SLC22A24: variants seen among roughly 807,000 people sequenced by gnomAD.
SLC22A24 encodes the protein steroid transmembrane transporter SLC22A24.
SLC22A24 carries 53 observed loss-of-function variants against 49.8 expected under a neutral mutation model. The ratio of observed to expected loss-of-function variants is 1.06; its 90% confidence interval spans 0.85 to 1.34. SLC22A24 has a LOEUF of 1.34. Ranked by LOEUF, SLC22A24 falls within the 40% of genes most tolerant of loss-of-function variation. The probability of loss-of-function intolerance (pLI) is 0.00; values close to 1 mark genes in which losing one functional copy is unlikely to be tolerated. For synonymous variants in SLC22A24, 302 were observed against 256.4 expected (o/e 1.18, Z -1.70); for missense variants, 786 against 675.9 (o/e 1.16, Z -1.81).
intron 8 of SLC22A24, among the ~76,000 whole-genome samples, 164 bp from the exon 9 acceptor site, chr11:63,081,287 T>A (rs189447826): frequency 1.1e-3 from 160 of 152,360 alleles, no homozygotes; most frequent in Admixed American, 3.5e-3. Flanking sequence ...GGTTTCTACC[T>A]ATTTGATAGT....
chr11:63,081,624 C>T lies in SLC22A24; in HGVS notation c.1328G>A (p.Gly443Asp). 1.3e-6 allele frequency: 2 copies of T among 1,551,538 alleles called. No individual in the cohort carries two copies. The highest frequency in any genetic ancestry group is 1.7e-6 in the Non-Finnish European group (2 of 1,146,892). ...LRVVLATLGI[G>D]SVSAASNSAS... ...ACTGTTGCTAGCAGCAGAAACACTA[C>T]CAATTCCCAAAGTTGCTAAAACCAC... Residue 443 changes from glycine (G) to aspartate (D), a missense_variant, in exon 8 of 10, where the codon GGT (glycine) becomes GAT (aspartate). Transcript: ENST00000612278.
chr11:63,122,293 A>G (rs766891322), intron 2 of SLC22A24, among the ~76,000 whole-genome samples: 3 of 152,150 alleles, frequency 2.0e-5, no homozygotes, highest in African/African-American at 4.8e-5. Context: ...GAAATTAAAG[A>G]CCTGCAATAA....
chr11:63,129,020 G>T (rs2087314283), intron 2 of SLC22A24, among the ~76,000 whole-genome samples: 1 of 152,118 alleles, frequency 6.6e-6, no homozygotes, highest in South Asian at 2.1e-4. Context: ...TGTTGCCATT[G>T]TTTTGGTGTT....
chr11:63,140,534 C>G (rs1348945363), intron 1 of SLC22A24, among the ~76,000 whole-genome samples: 4 of 152,146 alleles, frequency 2.6e-5, no homozygotes, highest in African/African-American at 9.7e-5. Context: ...TACTTTGGAG[C>G]ATTAGATTAT....
chr11:63,119,401 C>A (rs1343843833), intron 2 of SLC22A24, 66 bp from the exon 3 acceptor site: 37 of 1,369,982 alleles, frequency 2.7e-5, no homozygotes, highest in Non-Finnish European at 3.1e-5. Flanking sequence ...ACTTGACAAA[C>A]AATGGCGCAT....
chr11:63,088,503 C>T (rs2087000619), intron 6 of SLC22A24, among the ~76,000 whole-genome samples: 1 of 151,732 alleles, frequency 6.6e-6, no homozygotes, highest in Non-Finnish European at 1.5e-5. Flanking sequence ...CTGAAAATTG[C>T]AAAAACCAGA....
At chr11:63,131,255 T>A (rs1335697735) in intron 2 of SLC22A24, among the ~76,000 whole-genome samples, 1 of 152,174 alleles carries the variant, frequency 6.6e-6, no homozygotes, top group Non-Finnish European at 1.5e-5. Context: ...TGTCTTTTGA[T>A]TGGGGCATTT....
chr11:63,101,830 G>T (rs1490485016), intron 5 of SLC22A24, among the ~76,000 whole-genome samples: 1 of 151,930 alleles, frequency 6.6e-6, no homozygotes, highest in Admixed American at 6.6e-5. Flanking sequence ...GAAATAAGCC[G>T]GACACAGAAA....
chr11:63,137,231 G>T (rs111846060), intron 1 of SLC22A24, among the ~76,000 whole-genome samples: 279 of 152,302 alleles, frequency 1.8e-3, no homozygotes, highest in Admixed American at 4.1e-3. Flanking sequence ...TTTCAAGGAG[G>T]TTTCTCAGAT....
At chr11:63,085,885 C>T (rs934511236) in intron 6 of SLC22A24, among the ~76,000 whole-genome samples, 1 of 152,188 alleles carries the variant, frequency 6.6e-6, no homozygotes, top group African/African-American at 2.4e-5. Flanking sequence ...CTTTTGCTGG[C>T]TATCATATTA....
intron 1 of SLC22A24, among the ~76,000 whole-genome samples, chr11:63,140,999 T>C (rs2087411873): frequency 1.3e-5 from 2 of 152,190 alleles, no homozygotes; most frequent in Admixed American, 6.5e-5. Context: ...TTATTTAGCT[T>C]TTTACAATAG....
chr11:63,126,498 G>A (rs4963369), intron 2 of SLC22A24, among the ~76,000 whole-genome samples: 120,914 of 152,048 alleles, frequency 0.8, 49,172 homozygotes, highest in East Asian at 0.9. Flanking sequence ...TGAGGCCCCT[G>A]TTCTGTTCCA....
intron 4 of SLC22A24, among the ~76,000 whole-genome samples, chr11:63,106,398 T>C (rs2087122019): frequency 6.6e-6 from 1 of 152,146 alleles, no homozygotes; most frequent in South Asian, 2.1e-4. Context: ...AACATATGTG[T>C]GCATGTGTCT....
intron 5 of SLC22A24, 140 bp downstream of exon 5, chr11:63,104,035 A>G: frequency 1.4e-6 from 1 of 729,028 alleles, no homozygotes; most frequent in East Asian, 2.9e-5. Context: ...AGGAGGAAAG[A>G]TATATATATT....
chr11:63,143,419 C>A lies in SLC22A24; in HGVS notation c.361G>T (p.Val121Leu), dbSNP rs116409312. 1.7e-3 allele frequency: 2,557 copies of A among 1,529,536 alleles called. 40 individuals carry two copies. The African/African-American group carries it at 0.023, about 14-fold the overall frequency. 94.7% of individuals were successfully genotyped at this position (1,529,536 alleles called of 1,614,324 possible). ...GAGAGGAAAGAGCTTCTGTCGTACA[C>A]CCAGCCATCCACACAGGGCTCCGTG... ...PDTEPCVDGW[V>L]YDRSSFLSTI... Residue 121 changes from valine (V) to leucine (L), a missense_variant, in exon 1 of 10, where the codon GTG (valine) becomes TTG (leucine). Val to Leu is a conservative substitution (Grantham distance 32). Coordinates refer to ENST00000612278, the MANE Select transcript of SLC22A24 (RefSeq NM_001136506.2).
Position 63,109,564 on chromosome 11 carries a change from T to A in SLC22A24, c.831-5266A>T, listed in dbSNP as rs958377551. ...CCAACTGGTGTGAGATGGTATCTCA[T>A]TGTGGTTTTGATTTGCATTTCTCTG... On this transcript the variant is annotated intron_variant, in intron 4 of 9. Coordinates refer to ENST00000612278, the MANE Select transcript of SLC22A24 (RefSeq NM_001136506.2). Among the ~76,000 whole-genome samples, 157 of 148,018 alleles carry A rather than the reference T, an allele frequency of 1.1e-3. 1 individual carries two copies. Among genetic ancestry groups the A allele is most frequent in the African/African-American group, 3.6e-3 (149 of 40,910 alleles).
intron 4 of SLC22A24, among the ~76,000 whole-genome samples, chr11:63,117,688 T>C (rs1028927922): frequency 1.3e-5 from 2 of 152,216 alleles, no homozygotes; most frequent in African/African-American, 2.4e-5. Flanking sequence ...TCCTTACGCT[T>C]TTCTTAATAA....
At chr11:63,081,811 T>C (rs2086961908) in intron 7 of SLC22A24, 145 bp from the exon 8 acceptor site, 2 of 649,234 alleles carry the variant, frequency 3.1e-6, no homozygotes, top group Non-Finnish European at 5.6e-6. Context: ...TGGGGAATGG[T>C]TGCGAGGCTG....
At position 63,104,279 on chromosome 11, in the gene SLC22A24, G is replaced by A. The variant is rs931814084; in HGVS notation, c.850C>T (p.Arg284Trp). The A allele has an allele frequency of 4.3e-5, 66 of 1,549,498 alleles. No individual in the cohort carries two copies. Among genetic ancestry groups the A allele is most frequent in the Non-Finnish European group, 5.1e-5 (59 of 1,146,518 alleles). The change falls in exon 5 of 10, where the codon CGG becomes TGG. Residue 284 changes from arginine to tryptophan, a missense_variant. Coordinates refer to ENST00000612278, the MANE Select transcript of SLC22A24 (RefSeq NM_001136506.2). The part of the protein sequence containing the change: ...LSSWKMVESA[R>W]WLIINNQLDE... ...AGCTGATTGTTGATAATCAGCCACCGAGCAGACTCCACCATCTTCCTGATG... is the reference window on the plus strand; with the variant it reads ...AGCTGATTGTTGATAATCAGCCACCAAGCAGACTCCACCATCTTCCTGATG...
Sources: allele counts gnomAD v4.1 joint callset (sites outside exome capture counted in the v4.1 genomes callset), GRCh38; gene constraint gnomAD v4.1.1; transcripts MANE v1.5; gene names NCBI Gene and HGNC (gene_info 2026-07-23, HGNC 2026-07-21).